Variants in KMT2A observed in about 807,000 individuals in gnomAD.
KMT2A encodes lysine methyltransferase 2A, also known as histone-lysine N-methyltransferase 2A.
A neutral mutation model predicts 345.3 loss-of-function variants in KMT2A; 16 were observed. The ratio of observed to expected loss-of-function variants is 0.05; its 90% confidence interval spans 0.03 to 0.07. KMT2A has a LOEUF of 0.07. Among genes scored for constraint, KMT2A ranks in the 10% least tolerant of loss-of-function variants. The pLI is 1.00. For synonymous variants in KMT2A, 1,599 were observed against 1,778.6 expected, an observed-to-expected ratio of 0.90 and a Z score of 2.54; for missense variants, 3,272 against 4,841.6, an observed-to-expected ratio of 0.68 and a Z score of 9.62.
chr11:118,455,952 G>A (rs1949634171), intron 1 of KMT2A, among the ~76,000 whole-genome samples: 1 of 151,956 alleles, frequency 6.6e-6, no homozygotes. Context: ...GCCTCCCAAA[G>A]TGCTAGGATT....
At position 118,499,424 on chromosome 11, in the gene KMT2A, T is replaced by C. The variant is rs1460360255; in HGVS notation, c.6079+4T>C. 4.6e-6 allele frequency: 7 copies of C among 1,530,728 alleles called. No homozygotes were observed. Among genetic ancestry groups the C allele is most frequent in the Non-Finnish European group, 4.5e-6 (5 of 1,110,792 alleles). The allele number at this position is 1,530,728 out of a possible 1,614,324, so 94.8% of individuals were successfully genotyped here. A position where few individuals can be genotyped will look rare whatever the true frequency, so the allele number is the denominator to read the frequency against. On this transcript the variant is annotated splice_donor_region_variant and intron_variant, in intron 23 of 35. Coordinates refer to ENST00000534358, the MANE Select transcript of KMT2A (RefSeq NM_001197104.2). The stretch of plus-strand genomic sequence containing the variant: ...GAAAATATCCACATGATGATTGGTA[T>C]GACCTAGCCTTGGTTATTGGGGAAG...
chr11:118,505,776 GCAT>G lies in KMT2A; in HGVS notation c.9888_9890del (p.Ile3296del), dbSNP rs1453529585. ...AACATCATAAAAAGATCTAAATCTA[GCAT>G]CATGTATTTTGAACCGGCACCCCTG... On this transcript the variant is annotated inframe_deletion, in exon 27 of 36. Transcript: ENST00000534358. The surrounding 1 kb of genome is among the most constrained non-coding windows in gnomAD (Gnocchi z 4.6). The G allele has an allele frequency of 1.5e-5, 25 of 1,613,990 alleles. No individual in the cohort carries two copies. The highest frequency in any genetic ancestry group is 1.9e-5 in the Non-Finnish European group (22 of 1,180,040).
In KMT2A at chr11:118,496,449, G is replaced by A. The variant is rs1591272234; in HGVS notation, c.5664+82G>A. 13 of 885,856 alleles carry A rather than the reference G, an allele frequency of 1.5e-5. No individual in the cohort carries two copies. In the East Asian group the frequency reaches 3.0e-4, roughly 20 times the overall value. The allele number at this position is 885,856 out of a possible 1,614,324, so 54.9% of individuals were successfully genotyped here. ...TCCTTGTGTCCATACTTGATGACTG[G>A]GTGCCATTTATTTAATGAACTTACT... On this transcript the variant is annotated intron_variant, in intron 20 of 35. Coordinates refer to ENST00000534358, the MANE Select transcript of KMT2A (RefSeq NM_001197104.2). This position sits in a 1 kb window ranked among gnomAD's most constrained non-coding sequence, Gnocchi z 4.7.
chr11:118,437,169 C>T (rs1230676314), intron 1 of KMT2A, among the ~76,000 whole-genome samples: 3 of 151,196 alleles, frequency 2.0e-5, no homozygotes, highest in Non-Finnish European at 4.4e-5. Flanking sequence ...TTGCCCCCCG[C>T]TCTCCTCCCC....
At chr11:118,500,423 G>C (rs1178241597) in intron 24 of KMT2A, among the ~76,000 whole-genome samples, 1 of 152,138 alleles carries the variant, frequency 6.6e-6, no homozygotes, top group African/African-American at 2.4e-5. Flanking sequence ...TCCCGCGTTG[G>C]AGTCTCATTT....
intron 2 of KMT2A, among the ~76,000 whole-genome samples, chr11:118,470,687 G>A (rs1949928573): frequency 6.6e-6 from 1 of 152,144 alleles, no homozygotes; most frequent in African/African-American, 2.4e-5. Flanking sequence ...CAGTTCCATT[G>A]TAAAAATGTT....
At chr11:118,462,752 C>T (rs544908934) in intron 1 of KMT2A, among the ~76,000 whole-genome samples, 172 of 152,176 alleles carry the variant, frequency 1.1e-3, no homozygotes, top group African/African-American at 3.8e-3. Context: ...TTAGTAGAGA[C>T]AGGGTTTCAC....
In KMT2A at chr11:118,448,957, CAAG is replaced by C. The variant is rs545680368; in HGVS notation, c.432+12015_432+12017del. The C allele has an allele frequency of 2.5e-4, 38 of 152,220 alleles. No individual in the cohort carries two copies. In the South Asian group the frequency reaches 3.1e-3, roughly 12 times the overall value. The allele number at this position is 152,220 out of a possible 1,614,324, so 9.4% of individuals were successfully genotyped here. A position where few individuals can be genotyped will look rare whatever the true frequency, so the allele number is the denominator to read the frequency against. The stretch of plus-strand genomic sequence containing the variant: ...AATTTCTTGTCATACATTCAGAAAA[CAAG>C]AGATGTAAAATTCATAAAACTGCTT... On this transcript the variant is annotated intron_variant, in intron 1 of 35. Coordinates refer to ENST00000534358, the MANE Select transcript of KMT2A (RefSeq NM_001197104.2).
At chr11:118,456,214 T>G (rs1949639306) in intron 1 of KMT2A, among the ~76,000 whole-genome samples, 1 of 152,082 alleles carries the variant, frequency 6.6e-6, no homozygotes. Flanking sequence ...TTTAAAACTT[T>G]TAGGGCCATG....
chr11:118,442,502 TGTC>T (rs1489267114), intron 1 of KMT2A, among the ~76,000 whole-genome samples: 1 of 152,208 alleles, frequency 6.6e-6, no homozygotes, highest in African/African-American at 2.4e-5. Context: ...AGTAAAATAT[TGTC>T]GTGGAGTAAA....
At chr11:118,438,047 C>T (rs1260171185) in intron 1 of KMT2A, among the ~76,000 whole-genome samples, 3 of 152,150 alleles carry the variant, frequency 2.0e-5, no homozygotes, top group African/African-American at 7.2e-5. Flanking sequence ...ATTATTGATC[C>T]ACCTTTTCCT....
In KMT2A at chr11:118,505,492, G is replaced by T; in HGVS notation, c.9600G>T (p.Leu3200Phe). The change falls in exon 27 of 36, where the codon TTG (leucine) becomes TTT (phenylalanine). Residue 3200 changes from leucine (L) to phenylalanine (F), a missense_variant. Around this residue, in one of 27 missense-constraint regions of KMT2A, gnomAD observed 748 missense variants for 922.2 expected, o/e 0.81. Transcript: ENST00000534358. The surrounding 1 kb of genome is among the most constrained non-coding windows in gnomAD (Gnocchi z 4.6). Reference sequence around the variant, plus strand: ...AGCCTCCTCCGGATCCCCAACTTTTGGTTTCAGAATCCAGCCAGAGGACAG... The same window carrying T: ...AGCCTCCTCCGGATCCCCAACTTTTTGTTTCAGAATCCAGCCAGAGGACAG... Reference protein sequence around the residue: ...GVQPPPDPQLLVSESSQRTDL... With the variant: ...GVQPPPDPQLFVSESSQRTDL... The T allele has an allele frequency of 6.2e-7, 1 of 1,614,078 alleles. No individual in the cohort carries two copies. Among genetic ancestry groups the T allele is most frequent in the Non-Finnish European group, 8.5e-7 (1 of 1,180,010 alleles).
intron 10 of KMT2A, among the ~76,000 whole-genome samples, chr11:118,487,501 C>A (rs543119165): frequency 2.0e-5 from 3 of 152,094 alleles, no homozygotes; most frequent in East Asian, 1.9e-4. Flanking sequence ...ATTCTAAGTA[C>A]CCCTCACCCA....
intron 30 of KMT2A, among the ~76,000 whole-genome samples, chr11:118,511,257 AGAAAG>A (rs1356026100): frequency 1.3e-5 from 2 of 152,202 alleles, no homozygotes; most frequent in Non-Finnish European, 2.9e-5. Flanking sequence ...CGGTGGGAAA[AGAAAG>A]GAAAGGAAAG....
chr11:118,467,485 GC>G (rs1321952030), intron 1 of KMT2A, among the ~76,000 whole-genome samples: 1 of 152,092 alleles, frequency 6.6e-6, no homozygotes, highest in Admixed American at 6.5e-5. Flanking sequence ...CAGAGCAAAA[GC>G]CTTTTTAGAT....
rs147408465 is a variant in KMT2A at position 118,446,412 on chromosome 11, A to G, written c.432+9468A>G. ...CATACTCAGTACACCATCAGAAACC[A>G]TCAATACACCTCAGAAACTGAGGCA... On this transcript the variant is annotated intron_variant, in intron 1 of 35. Transcript: ENST00000534358. Among the ~76,000 whole-genome samples, 878 of 152,320 alleles carry G rather than the reference A, an allele frequency of 5.8e-3. 6 individuals are homozygous for G. The highest frequency in any genetic ancestry group is 0.02 in the African/African-American group (841 of 41,576).
In KMT2A at chr11:118,504,182, G is replaced by T; in HGVS notation, c.8290G>T (p.Ala2764Ser). Residue 2764 changes from alanine to serine, a missense_variant, in exon 27 of 36, where the codon GCT becomes TCT. By Grantham distance (99) the Ala-to-Ser change is moderately conservative. This residue lies in a region of KMT2A where 100 missense variants were observed against 101.3 expected (regional missense o/e 0.99). Transcript: ENST00000534358. This position sits in a 1 kb window ranked among gnomAD's most constrained non-coding sequence, Gnocchi z 6.4. Reference sequence around the variant, plus strand: ...CTTAAAGATTGATAGACCTGAAGATGCTGGGGAGAAAGAACATGTCACTAA... The same window carrying T: ...CTTAAAGATTGATAGACCTGAAGATTCTGGGGAGAAAGAACATGTCACTAA... Reference protein sequence around the residue: ...ENLKIDRPEDAGEKEHVTKSS... With the variant: ...ENLKIDRPEDSGEKEHVTKSS... 2 of 1,614,210 alleles carry T rather than the reference G, an allele frequency of 1.2e-6. No homozygotes were observed. Among genetic ancestry groups the T allele is most frequent in the Non-Finnish European group, 1.7e-6 (2 of 1,180,034 alleles).
In KMT2A at chr11:118,498,641, C is replaced by G. The variant is rs1950449211; in HGVS notation, c.5961+113C>G. 11 of 1,019,766 alleles carry G rather than the reference C, an allele frequency of 1.1e-5. No homozygotes were observed. In the South Asian group the frequency reaches 1.8e-4, roughly 17 times the overall value. The allele number at this position is 1,019,766 out of a possible 1,614,324, so 63.2% of individuals were successfully genotyped here. ...AGAGATTTCCCATATGCCCCCTGCA[C>G]CCACATATGCACAGCCTCCCCCATG... On this transcript the variant is annotated intron_variant, in intron 22 of 35. Coordinates refer to ENST00000534358, the MANE Select transcript of KMT2A (RefSeq NM_001197104.2). This position sits in a 1 kb window ranked among gnomAD's most constrained non-coding sequence, Gnocchi z 4.4.
intron 1 of KMT2A, among the ~76,000 whole-genome samples, chr11:118,455,138 G>T (rs1269406549): frequency 1.3e-5 from 2 of 152,082 alleles, no homozygotes; most frequent in African/African-American, 4.8e-5. Context: ...TGAACCTCCT[G>T]CCTCAGCCTT....
Sources: gnomAD v4.1 joint callset for allele counts (sites outside exome capture counted in the v4.1 genomes callset) on GRCh38, gnomAD v4.1.1 for gene constraint, gnomAD v4.1.1 regional missense constraint, Gnocchi (gnomAD v3.1) non-coding constraint, MANE v1.5 for transcripts, NCBI Gene and HGNC (gene_info 2026-07-23, HGNC 2026-07-21) for gene names.